The following ROBO2 variants were observed in gnomAD, a reference collection of about 807,000 sequenced individuals.
ROBO2 encodes roundabout guidance receptor 2.
A neutral mutation model predicts 160.8 loss-of-function variants in ROBO2; 53 were observed. That is an observed-to-expected ratio of 0.33 (90% CI 0.26 to 0.41). ROBO2 has a LOEUF of 0.41. ROBO2 is among the 10% of genes least tolerant of loss of function. The pLI is 1.00. For missense variants in ROBO2, 1,577 were observed against 1,722.4 expected (o/e 0.92, Z 1.49); for synonymous variants, 664 against 611.7 (o/e 1.09, Z -1.26).
At chr3:76,396,400 T>C (rs1051163103) in intron 2 of ROBO2, among the ~76,000 whole-genome samples, 5 of 152,146 alleles carry the variant, frequency 3.3e-5, no homozygotes, top group Non-Finnish European at 4.4e-5. Context: ...GCATTCCCTT[T>C]GAAAACTGGC....
intron 2 of ROBO2, among the ~76,000 whole-genome samples, chr3:76,481,720 T>C (rs1006700765): frequency 6.6e-6 from 1 of 152,038 alleles, no homozygotes; most frequent in African/African-American, 2.4e-5. Flanking sequence ...ATACACCCTA[T>C]AGATGATTCT....
At chr3:77,110,212 A>G (rs2073387090) in intron 2 of ROBO2, among the ~76,000 whole-genome samples, 2 of 152,196 alleles carry the variant, frequency 1.3e-5, no homozygotes, top group African/African-American at 4.8e-5. Flanking sequence ...CCAATTTATA[A>G]GACAAGTCAT....
intron 2 of ROBO2, among the ~76,000 whole-genome samples, chr3:76,280,099 C>A (rs1366945773): frequency 1.3e-5 from 2 of 151,918 alleles, no homozygotes; most frequent in African/African-American, 4.8e-5. Flanking sequence ...GCTTGGTGTA[C>A]AATAGAACAT....
At chr3:77,228,930 C>G (rs768612979) in intron 2 of ROBO2, among the ~76,000 whole-genome samples, 3 of 152,174 alleles carry the variant, frequency 2.0e-5, no homozygotes, top group Non-Finnish European at 4.4e-5. Context: ...TTGAACTACT[C>G]ATTTTTAGGT....
chr3:77,308,098 T>C (rs528207897), intron 2 of ROBO2, among the ~76,000 whole-genome samples: 6,050 of 151,924 alleles, frequency 0.04, 403 homozygotes, highest in African/African-American at 0.14. Flanking sequence ...ATATTTCTTT[T>C]TTTTTTTTTT....
At chr3:76,412,326 A>T (rs2108844422) in intron 2 of ROBO2, among the ~76,000 whole-genome samples, 1 of 152,308 alleles carries the variant, frequency 6.6e-6, no homozygotes, top group East Asian at 1.9e-4. Flanking sequence ...AAACCATATC[A>T]TTCTGCCCCT....
At chr3:76,179,132 T>C (rs1407572793) in intron 2 of ROBO2, among the ~76,000 whole-genome samples, 1 of 152,108 alleles carries the variant, frequency 6.6e-6, no homozygotes, top group Non-Finnish European at 1.5e-5. Flanking sequence ...TAATGAGACA[T>C]ATTAATTTGT....
intron 2 of ROBO2, among the ~76,000 whole-genome samples, chr3:76,792,425 GT>G (rs1194690593): frequency 6.6e-6 from 1 of 151,484 alleles, no homozygotes; most frequent in East Asian, 1.9e-4. Context: ...ACTGTAATTT[GT>G]TTTTTTGGGA....
chr3:76,456,800 G>A (rs1158607927), intron 2 of ROBO2, among the ~76,000 whole-genome samples: 1 of 152,152 alleles, frequency 6.6e-6, no homozygotes, highest in African/African-American at 2.4e-5. Context: ...GGCTGGGAAG[G>A]CCTCAAAATC....
Position 76,612,218 on chromosome 3 carries a change from T to C in ROBO2, c.110-485796T>C, listed in dbSNP as rs1383303609. Among the ~76,000 whole-genome samples, 3 of 152,332 alleles carry C rather than the reference T, an allele frequency of 2.0e-5. No homozygotes were observed. In the East Asian group the frequency reaches 5.8e-4, roughly 29 times the overall value. ...ATGTTCCCTGTGCTGAAGAGAAGAA[T>C]GTGTATTCTGTAGCTGTTGGATAAA... On this transcript the variant is annotated intron_variant, in intron 2 of 26. Transcript: ENST00000487694.
chr3:77,630,762 G>A (rs2095144080), intron 23 of ROBO2: 1 of 151,906 alleles, frequency 6.6e-6, no homozygotes, highest in African/African-American at 2.4e-5. Flanking sequence ...GGGTTTAGGA[G>A]TAAAACAAGA....
intron 19 of ROBO2, among the ~76,000 whole-genome samples, chr3:77,597,373 T>C (rs2094331299): frequency 6.6e-6 from 1 of 152,118 alleles, no homozygotes; most frequent in Non-Finnish European, 1.5e-5. Context: ...CTTCAAAATT[T>C]GGTGCCAGAG....
intron 2 of ROBO2, among the ~76,000 whole-genome samples, chr3:76,302,209 A>G (rs1709396860): frequency 6.6e-6 from 1 of 152,132 alleles, no homozygotes; most frequent in Non-Finnish European, 1.5e-5. Context: ...AATTAGTCAT[A>G]GAAGATGGTT....
chr3:76,744,859 G>A (rs940944158), intron 2 of ROBO2, among the ~76,000 whole-genome samples: 2 of 152,130 alleles, frequency 1.3e-5, no homozygotes, highest in African/African-American at 4.8e-5. Flanking sequence ...TTTGTGCTAT[G>A]AACAAAATGT....
chr3:77,433,486 G>GAATATATATATATA (rs2078983077), intron 2 of ROBO2, among the ~76,000 whole-genome samples: 1 of 99,402 alleles, frequency 1.0e-5, no homozygotes, highest in African/African-American at 3.5e-5. Flanking sequence ...CTGGCAACTT[G>GAATATATATATATA]TATATATATA....
chr3:77,513,435 A>G (rs1435181231), intron 5 of ROBO2, among the ~76,000 whole-genome samples: 4 of 151,898 alleles, frequency 2.6e-5, no homozygotes, highest in South Asian at 2.1e-4. Context: ...TCCACTAGGT[A>G]GGAAAGCAGG....
intron 2 of ROBO2, among the ~76,000 whole-genome samples, chr3:76,220,413 G>A (rs1394197520): frequency 3.9e-5 from 6 of 151,980 alleles, no homozygotes; most frequent in Admixed American, 3.9e-4. Flanking sequence ...GGGTGACTAG[G>A]ATGTAAAAGC....
intron 2 of ROBO2, among the ~76,000 whole-genome samples, chr3:77,473,849 T>C (rs1268419425): frequency 1.3e-5 from 2 of 152,158 alleles, no homozygotes; most frequent in Non-Finnish European, 2.9e-5. Context: ...TCTGCCTAAA[T>C]AATTTCTAGC....
intron 2 of ROBO2, among the ~76,000 whole-genome samples, chr3:76,660,617 T>G (rs2091775474): frequency 6.6e-6 from 1 of 152,162 alleles, no homozygotes; most frequent in Admixed American, 6.5e-5. Flanking sequence ...TCCACTCACA[T>G]GTATTGTCAA....
Sources: gnomAD v4.1 joint callset for allele counts (sites outside exome capture counted in the v4.1 genomes callset) on GRCh38, gnomAD v4.1.1 for gene constraint, MANE v1.5 for transcripts, NCBI Gene and HGNC (gene_info 2026-07-23, HGNC 2026-07-21) for gene names.